DIS3L2: variants seen among roughly 807,000 people sequenced by gnomAD.
DIS3L2 encodes the protein DIS3-like exonuclease 2.
Under a neutral mutation model 97.5 loss-of-function variants are expected in DIS3L2, and 34 were observed. The observed-to-expected ratio is 0.35, with a 90% CI of 0.27 to 0.46. DIS3L2 has a LOEUF of 0.46. Ranked by LOEUF, DIS3L2 falls within the 20% of genes least tolerant of loss-of-function variation. The pLI is 1.00. For synonymous variants in DIS3L2, 435 were observed against 445.2 expected, an observed-to-expected ratio of 0.98 and a Z score of 0.29; for missense variants, 1,038 against 1,146.0, an observed-to-expected ratio of 0.91 and a Z score of 1.36.
At chr2:232,234,766 G>A (rs1419396808) in intron 10 of DIS3L2, among the ~76,000 whole-genome samples, 3 of 152,232 alleles carry the variant, frequency 2.0e-5, no homozygotes. Flanking sequence ...ACGGGTGTAT[G>A]TATGAGCCCC....
intron 12 of DIS3L2, among the ~76,000 whole-genome samples, chr2:232,261,497 A>C (rs1001881805): frequency 1.9e-4 from 29 of 152,162 alleles, no homozygotes; most frequent in African/African-American, 6.8e-4. Flanking sequence ...GTCATGTCAC[A>C]CACAGAAGAT....
chr2:232,091,603 C>G (rs1471065315), intron 6 of DIS3L2, among the ~76,000 whole-genome samples: 1 of 152,134 alleles, frequency 6.6e-6, no homozygotes, highest in African/African-American at 2.4e-5. Flanking sequence ...ATGGTTAGTG[C>G]TGCGAGAAAC....
chr2:232,233,304 G>A (rs542336507), intron 10 of DIS3L2, among the ~76,000 whole-genome samples: 10 of 152,116 alleles, frequency 6.6e-5, no homozygotes, highest in Non-Finnish European at 1.5e-4. Context: ...TCTAGTGACG[G>A]CCCACTTCCT....
At chr2:232,081,232 T>G (rs1216264393) in intron 5 of DIS3L2, among the ~76,000 whole-genome samples, 1 of 152,226 alleles carries the variant, frequency 6.6e-6, no homozygotes, top group Non-Finnish European at 1.5e-5. Flanking sequence ...TGGTTCTTTC[T>G]CTTTTTACAA....
intron 14 of DIS3L2, among the ~76,000 whole-genome samples, chr2:232,326,304 G>A (rs1024969700): frequency 6.9e-6 from 1 of 145,280 alleles, no homozygotes; most frequent in African/African-American, 2.5e-5. Flanking sequence ...CACCCACCCT[G>A]CACCGTCCAG....
At chr2:232,112,261 G>T (rs1480189586) in intron 6 of DIS3L2, among the ~76,000 whole-genome samples, 2 of 152,158 alleles carry the variant, frequency 1.3e-5, no homozygotes, top group Non-Finnish European at 2.9e-5. Context: ...AGATCCCAAG[G>T]TTTTCATGGG....
chr2:231,971,487 G>T (rs1390851717), intron 1 of DIS3L2, among the ~76,000 whole-genome samples: 4 of 151,006 alleles, frequency 2.6e-5, no homozygotes, highest in African/African-American at 9.7e-5. Flanking sequence ...TCGCACTCTC[G>T]CCCAGGCTGG....
intron 6 of DIS3L2, among the ~76,000 whole-genome samples, chr2:232,092,471 T>C (rs1024495468): frequency 2.0e-5 from 3 of 152,152 alleles, no homozygotes; most frequent in African/African-American, 4.8e-5. Context: ...AGGGACTGCA[T>C]TGAATCTGTA....
At chr2:232,270,894 CTCTCTCTCTCTCTCTCTCTCTG>C (rs1343552096) in intron 13 of DIS3L2, among the ~76,000 whole-genome samples, 2 of 148,390 alleles carry the variant, frequency 1.3e-5, no homozygotes, top group African/African-American at 2.5e-5. Context: ...CTCTCTCTCT[CTCTCTCTCTCTCTCTCTCTCTG>C]TCTCGTCTCT....
chr2:232,047,115 A>T (rs11901253), intron 5 of DIS3L2, among the ~76,000 whole-genome samples: 2 of 152,194 alleles, frequency 1.3e-5, no homozygotes, highest in African/African-American at 4.8e-5. Flanking sequence ...AGTTTTCAGC[A>T]TGTTTTGAAG....
At chr2:232,302,935 T>C (rs1253992385) in intron 14 of DIS3L2, among the ~76,000 whole-genome samples, 2 of 152,206 alleles carry the variant, frequency 1.3e-5, no homozygotes, top group African/African-American at 4.8e-5. Flanking sequence ...TAATTAATTA[T>C]TAATAGTAGG....
At chr2:232,072,783 GGTGTGTGTGTGTGT>G (rs56884799) in intron 5 of DIS3L2, among the ~76,000 whole-genome samples, 1 of 139,812 alleles carries the variant, frequency 7.2e-6, no homozygotes, top group African/African-American at 2.8e-5. Flanking sequence ...TGGGATGTGG[GGTGTGTGTGTGTGT>G]GTGTGTGTGT....
At chr2:232,018,079 G>A (rs1307094426) in intron 3 of DIS3L2, among the ~76,000 whole-genome samples, 1 of 152,146 alleles carries the variant, frequency 6.6e-6, no homozygotes, top group Non-Finnish European at 1.5e-5. Flanking sequence ...TTTTGAAGAA[G>A]AGTTGGGGGA....
At chr2:232,255,936 G>T (rs1281853542) in intron 12 of DIS3L2, among the ~76,000 whole-genome samples, 1 of 152,126 alleles carries the variant, frequency 6.6e-6, no homozygotes, top group Admixed American at 6.6e-5. Flanking sequence ...TCCAGAATCA[G>T]CCCCCTTCCT....
intron 14 of DIS3L2, 28 bp from the exon 15 acceptor site, chr2:232,329,785 T>TCCCGGGGCACACAACCC: frequency 1.0e-6 from 1 of 967,144 alleles, no homozygotes; most frequent in Non-Finnish European, 1.5e-6. Flanking sequence ...ACCCCAGCGG[T>TCCCGGGGCACACAACCC]CCCTCCCATC....
intron 8 of DIS3L2, among the ~76,000 whole-genome samples, chr2:232,148,778 G>T (rs1420110832): frequency 2.2e-5 from 2 of 91,254 alleles, no homozygotes; most frequent in Admixed American, 1.6e-4. Flanking sequence ...TTTTTACACA[G>T]CCTTCTTAAT....
chr2:232,051,086 G>A (rs983562411), intron 5 of DIS3L2, among the ~76,000 whole-genome samples: 2 of 152,234 alleles, frequency 1.3e-5, no homozygotes, highest in Admixed American at 1.3e-4. Flanking sequence ...CAACTGGTAA[G>A]GGCAGGGGTT....
chr2:232,105,498 ACTT>A (rs1697334176), intron 6 of DIS3L2, among the ~76,000 whole-genome samples: 4 of 151,804 alleles, frequency 2.6e-5, no homozygotes, highest in Admixed American at 2.0e-4. Context: ...TTTCCTTTTC[ACTT>A]CTTTCTCTTC....
intron 10 of DIS3L2, among the ~76,000 whole-genome samples, chr2:232,229,081 C>T (rs2106241889): frequency 6.6e-6 from 1 of 152,292 alleles, no homozygotes; most frequent in East Asian, 1.9e-4. Flanking sequence ...CAACTTCTGC[C>T]TCTATTGGCT....
Sources: gnomAD v4.1 joint callset for allele counts (sites outside exome capture counted in the v4.1 genomes callset) on GRCh38, gnomAD v4.1.1 for gene constraint, MANE v1.5 for transcripts, NCBI Gene and HGNC (gene_info 2026-07-23, HGNC 2026-07-21) for gene names.